MGAT4C: variants seen among roughly 807,000 people sequenced by gnomAD.
MGAT4C encodes the protein MGAT4 family member C.
In MGAT4C, 19 loss-of-function variants were observed where a neutral mutation model predicts 40.1. That is an observed-to-expected ratio of 0.47 (90% CI 0.33 to 0.70). The LOEUF is 0.70. Ranked by LOEUF, MGAT4C falls within the 30% of genes least tolerant of loss-of-function variation. MGAT4C has a pLI of 0.02. For missense variants in MGAT4C, 491 were observed against 563.2 expected (o/e 0.87, Z 1.30); for synonymous variants, 181 against 187.1 (o/e 0.97, Z 0.27).
rs368656657 is a variant in MGAT4C at position 86,200,419 on chromosome 12, G to C, written c.-57+55820C>G. On this transcript the variant is annotated intron_variant, in intron 1 of 4. Coordinates refer to ENST00000611864, the MANE Select transcript of MGAT4C (RefSeq NM_001351288.2). Reference sequence around the variant, plus strand: ...CCTAGCTGCATTATGGTGCTTTGTAGGAAACTACCAGATACTTTTCCAAAA... The same window carrying C: ...CCTAGCTGCATTATGGTGCTTTGTACGAAACTACCAGATACTTTTCCAAAA... Among the ~76,000 whole-genome samples the C allele has an allele frequency of 8.2e-4, 124 of 151,962 alleles. No individual in the cohort carries two copies. In the South Asian group the frequency reaches 0.025, roughly 30 times the overall value.
intron 1 of MGAT4C, among the ~76,000 whole-genome samples, chr12:86,166,558 G>T (rs1216450136): frequency 6.6e-6 from 1 of 152,130 alleles, no homozygotes; most frequent in Non-Finnish European, 1.5e-5. Context: ...TGTAATCTCA[G>T]CTACTCGGGA....
chr12:86,260,496 A>T (rs1952636120), upstream of MGAT4C, among the ~76,000 whole-genome samples: 1 of 152,182 alleles, frequency 6.6e-6, no homozygotes, highest in Non-Finnish European at 1.5e-5. Flanking sequence ...AACATTGAAT[A>T]ATTTACAATG....
chr12:86,100,536 A>C (rs1208280229), intron 1 of MGAT4C, among the ~76,000 whole-genome samples: 1 of 151,486 alleles, frequency 6.6e-6, no homozygotes, highest in East Asian at 1.9e-4. Context: ...GAGATCAGCT[A>C]TAACATTTGT....
chr12:86,522,468 A>C (rs992746537), intron 2 of MGAT4C, among the ~76,000 whole-genome samples: 3 of 152,174 alleles, frequency 2.0e-5, no homozygotes, highest in Non-Finnish European at 4.4e-5. Context: ...ATCATGGTAG[A>C]TAAGATTTTT....
intron 1 of MGAT4C, among the ~76,000 whole-genome samples, chr12:86,243,455 C>T (rs970724391): frequency 1.3e-5 from 2 of 152,192 alleles, no homozygotes; most frequent in Non-Finnish European, 2.9e-5. Flanking sequence ...CTGTGACTTA[C>T]AGCCAATAGA....
chr12:86,060,340 A>G (rs1004616987), intron 1 of MGAT4C, among the ~76,000 whole-genome samples: 2 of 152,234 alleles, frequency 1.3e-5, no homozygotes, highest in African/African-American at 2.4e-5. Flanking sequence ...AGCAACTTTT[A>G]CAATTGTTTT....
chr12:86,742,562 A>G (rs1356890075), intron 1 of MGAT4C, among the ~76,000 whole-genome samples: 2 of 151,486 alleles, frequency 1.3e-5, no homozygotes, highest in African/African-American at 4.8e-5. Context: ...ATGAATACAC[A>G]TGAACCAAAC....
chr12:86,400,780 C>T (rs562410836), intron 3 of MGAT4C, among the ~76,000 whole-genome samples: 1 of 152,186 alleles, frequency 6.6e-6, no homozygotes, highest in East Asian at 1.9e-4. Context: ...GGTCAGCAGG[C>T]TAATATAGAG....
In MGAT4C at chr12:86,377,249, G is replaced by A. The variant is rs184370163; in HGVS notation, c.-119-43122C>T. Among the ~76,000 whole-genome samples, 272 of 151,986 alleles carry A rather than the reference G, an allele frequency of 1.8e-3. 1 individual carries two copies. The highest frequency in any genetic ancestry group is 6.1e-3 in the African/African-American group (253 of 41,482). On this transcript the variant is annotated intron_variant, in intron 3 of 7. Coordinates refer to the MGAT4C transcript ENST00000548651. ...TAATTTTGTATTTTTAGTAGAGATA[G>A]GATTTCTCTATCTTGGTCAGGCTGG...
intron 2 of MGAT4C, among the ~76,000 whole-genome samples, chr12:86,623,328 T>C (rs952383479): frequency 1.3e-5 from 2 of 152,144 alleles, no homozygotes; most frequent in Admixed American, 1.3e-4. Context: ...ATTTCCTACA[T>C]TTTCTAAGAT....
intron 3 of MGAT4C, among the ~76,000 whole-genome samples, chr12:86,371,066 A>C (rs950886348): frequency 1.3e-5 from 2 of 152,050 alleles, no homozygotes; most frequent in Admixed American, 6.6e-5. Flanking sequence ...TGAGTCTTAC[A>C]AGATTAATAA....
At chr12:86,604,229 A>G (rs1961960297) in intron 2 of MGAT4C, among the ~76,000 whole-genome samples, 1 of 152,118 alleles carries the variant, frequency 6.6e-6, no homozygotes, top group African/African-American at 2.4e-5. Flanking sequence ...TGGGCTTGGG[A>G]GAACTTCTTT....
chr12:86,099,377 C>A (rs1434312031), intron 1 of MGAT4C, among the ~76,000 whole-genome samples: 1 of 97,962 alleles, frequency 1.0e-5, no homozygotes, highest in African/African-American at 3.4e-5. Context: ...TTATTAATTT[C>A]TTTCTTTTGG....
intron 2 of MGAT4C, among the ~76,000 whole-genome samples, chr12:86,566,550 A>G (rs1243055173): frequency 5.5e-5 from 6 of 108,874 alleles, no homozygotes; most frequent in East Asian, 2.4e-4. Context: ...ATATATATAT[A>G]TATATATATA....
At chr12:86,699,498 A>G (rs1272460598) in intron 2 of MGAT4C, among the ~76,000 whole-genome samples, 1 of 152,120 alleles carries the variant, frequency 6.6e-6, no homozygotes, top group Non-Finnish European at 1.5e-5. Flanking sequence ...GGACCAGAAC[A>G]GAGTTAAGTT....
chr12:86,466,463 T>C (rs1428703845), intron 2 of MGAT4C, among the ~76,000 whole-genome samples: 1 of 152,170 alleles, frequency 6.6e-6, no homozygotes, highest in African/African-American at 2.4e-5. Flanking sequence ...ACTGTATGAG[T>C]CCTACCATTT....
At chr12:86,286,897 G>A (rs1953365752) in intron 4 of MGAT4C, among the ~76,000 whole-genome samples, 1 of 152,110 alleles carries the variant, frequency 6.6e-6, no homozygotes, top group Admixed American at 6.6e-5. Context: ...CTCTATCCAT[G>A]TTTCTGCAAA....
At chr12:86,530,900 T>C (rs1031910391) in intron 2 of MGAT4C, among the ~76,000 whole-genome samples, 14 of 152,038 alleles carry the variant, frequency 9.2e-5, no homozygotes, top group African/African-American at 3.4e-4. Flanking sequence ...ACAGCAAATG[T>C]TATATACATA....
chr12:86,198,322 G>A (rs949954237), intron 1 of MGAT4C, among the ~76,000 whole-genome samples: 2 of 151,846 alleles, frequency 1.3e-5, no homozygotes, highest in African/African-American at 2.4e-5. Flanking sequence ...TTTTCCCCTG[G>A]GATATTAGCA....
Sources: gnomAD v4.1 joint callset for allele counts (sites outside exome capture counted in the v4.1 genomes callset) on GRCh38, gnomAD v4.1.1 for gene constraint, MANE v1.5 for transcripts, NCBI Gene and HGNC (gene_info 2026-07-23, HGNC 2026-07-21) for gene names.